Variants in KLHL18 observed in about 807,000 individuals in gnomAD.
KLHL18 encodes the protein kelch-like protein 18.
Under a neutral mutation model 58.5 loss-of-function variants are expected in KLHL18, and 38 were observed. The ratio of observed to expected loss-of-function variants is 0.65; its 90% CI spans 0.50 to 0.85. KLHL18 has a LOEUF of 0.85. Among genes scored for constraint, KLHL18 ranks in the 40% least tolerant of loss-of-function variants. The pLI, the probability that KLHL18 is intolerant of heterozygous loss-of-function variation, is 0.00. For synonymous variants in KLHL18, 303 were observed against 301.9 expected (o/e 1.00, Z -0.04); for missense variants, 624 against 778.4 (o/e 0.80, Z 2.36).
chr3:47,343,951 T>G lies in KLHL18; in HGVS notation c.*10T>G, dbSNP rs770681669. 4.7e-5 allele frequency: 75 copies of G among 1,610,982 alleles called. No individual in the cohort carries two copies. Among genetic ancestry groups the G allele is most frequent in the Non-Finnish European group, 6.1e-5 (72 of 1,179,756 alleles). ...TCTCCTCACCATCTAAGGCAGAGGA[T>G]GGGATGTGGTGGGGCAGGGATCTGG... On this transcript the variant is annotated 3_prime_UTR_variant, in exon 10 of 10. Transcript: ENST00000232766.
At chr3:47,309,139 G>T in intron 1 of KLHL18, among the ~76,000 whole-genome samples, 1 of 152,206 alleles carries the variant, frequency 6.6e-6, no homozygotes, top group East Asian at 1.9e-4. Context: ...TCTTAGTACA[G>T]AACAAAATGG....
intron 1 of KLHL18, among the ~76,000 whole-genome samples, chr3:47,309,262 C>T (rs1320589012): frequency 1.3e-5 from 2 of 152,266 alleles, no homozygotes; most frequent in Non-Finnish European, 2.9e-5. Context: ...TCATCATGGC[C>T]CGTTCTCAAT....
At chr3:47,331,338 G>C (rs746624132) in intron 4 of KLHL18, among the ~76,000 whole-genome samples, 49 of 150,952 alleles carry the variant, frequency 3.2e-4, no homozygotes, top group Non-Finnish European at 5.9e-5. Flanking sequence ...CGTTGGCCAG[G>C]CTGGTCTTGA....
At chr3:47,307,365 A>T (rs1576150882) in intron 1 of KLHL18, among the ~76,000 whole-genome samples, 1 of 152,074 alleles carries the variant, frequency 6.6e-6, no homozygotes, top group South Asian at 2.1e-4. Flanking sequence ...GAGCCACCAC[A>T]CCTGGCCTGG....
chr3:47,343,837 G>A lies in KLHL18; in HGVS notation c.1621G>A (p.Val541Met). 6.2e-7 allele frequency: 1 copy of A among 1,614,230 alleles called. No individual in the cohort carries two copies. The highest frequency in any genetic ancestry group is 8.5e-7 in the Non-Finnish European group (1 of 1,180,052). ...CGACGGACAGTCAAACCTAAGCTCA[G>A]TGGAGATGTATGACCCAGAGACAGA... ...GYDGQSNLSS[V>M]EMYDPETDCW... The change falls in exon 10 of 10, where the codon GTG becomes ATG. Residue 541 changes from valine to methionine, a missense_variant. Transcript: ENST00000232766.
chr3:47,295,596 G>A (rs1454254777), intron 1 of KLHL18, among the ~76,000 whole-genome samples: 2 of 151,090 alleles, frequency 1.3e-5, no homozygotes, highest in African/African-American at 4.9e-5. Flanking sequence ...TCTTTCTTCA[G>A]GGTCTTGCTC....
At chr3:47,295,559 CCTTTCT>C (rs1350074359) in intron 1 of KLHL18, among the ~76,000 whole-genome samples, 1 of 146,612 alleles carries the variant, frequency 6.8e-6, no homozygotes, top group South Asian at 2.1e-4. Flanking sequence ...TTTCCCTTTC[CCTTTCT>C]CTTTCTCCTC....
intron 1 of KLHL18, among the ~76,000 whole-genome samples, chr3:47,286,314 C>G (rs923183633): frequency 2.0e-5 from 3 of 152,174 alleles, no homozygotes; most frequent in African/African-American, 7.2e-5. Flanking sequence ...AAAGAGCATG[C>G]AAACCAGGCT....
Position 47,286,742 on chromosome 3 carries a change from G to A in KLHL18, c.129+3648G>A, listed in dbSNP as rs185632315. 1.4e-3 allele frequency among the ~76,000 whole-genome samples: 214 copies of A among 152,314 alleles called. 2 individuals are homozygous for A. The highest frequency in any genetic ancestry group is 4.9e-3 in the African/African-American group (203 of 41,566). ...TTTCTGTGGGATGTGTTCAAAGTCCGTAGATCTTCCTCCAGGCTTCTTCCT... is the reference window on the plus strand; with the variant it reads ...TTTCTGTGGGATGTGTTCAAAGTCCATAGATCTTCCTCCAGGCTTCTTCCT... On this transcript the variant is annotated intron_variant, in intron 1 of 9. Coordinates refer to ENST00000232766, the MANE Select transcript of KLHL18 (RefSeq NM_025010.5).
intron 3 of KLHL18, among the ~76,000 whole-genome samples, chr3:47,325,603 G>C (rs57799875): frequency 6.6e-6 from 1 of 152,302 alleles, no homozygotes; most frequent in Non-Finnish European, 1.5e-5. Flanking sequence ...AATGCCATCA[G>C]AGTTCTTAAA....
chr3:47,297,219 A>G (rs919107567), intron 1 of KLHL18, among the ~76,000 whole-genome samples: 8 of 152,166 alleles, frequency 5.3e-5, no homozygotes, highest in East Asian at 1.9e-4. Flanking sequence ...CTAAAATGCT[A>G]TCGAAAACTG....
chr3:47,291,397 CT>C (rs955943338), intron 1 of KLHL18, among the ~76,000 whole-genome samples: 4 of 152,236 alleles, frequency 2.6e-5, no homozygotes, highest in African/African-American at 9.6e-5. Flanking sequence ...TACATCACCA[CT>C]TTTTTCCAAT....
At chr3:47,314,013 T>C (rs1003691064) in intron 1 of KLHL18, among the ~76,000 whole-genome samples, 3 of 152,196 alleles carry the variant, frequency 2.0e-5, no homozygotes, top group Non-Finnish European at 2.9e-5. Context: ...TAAATGATCA[T>C]CTCTTTTTTT....
intron 7 of KLHL18, chr3:47,337,615 A>G (rs897746881): frequency 6.6e-6 from 1 of 152,258 alleles, no homozygotes; most frequent in Non-Finnish European, 1.5e-5. Flanking sequence ...CTTCCTTGAT[A>G]TATGCCTAAT....
intron 1 of KLHL18, among the ~76,000 whole-genome samples, chr3:47,312,905 ATTTTT>A (rs35710141): frequency 1.7e-5 from 2 of 117,870 alleles, no homozygotes; most frequent in Admixed American, 9.2e-5. Flanking sequence ...ATACCTTTTA[ATTTTT>A]TTTTTTTTTT....
intron 1 of KLHL18, among the ~76,000 whole-genome samples, chr3:47,303,075 C>T (rs1703061778): frequency 6.6e-6 from 1 of 152,234 alleles, no homozygotes; most frequent in Admixed American, 6.5e-5. Flanking sequence ...ATGATCTCTT[C>T]CATGACTGGC....
intron 1 of KLHL18, among the ~76,000 whole-genome samples, chr3:47,297,125 A>AC (rs1702913251): frequency 6.6e-6 from 1 of 151,884 alleles, no homozygotes; most frequent in Admixed American, 6.6e-5. Context: ...TTCCTTCCTC[A>AC]CCCCCTTCCT....
At chr3:47,308,015 T>A (rs1703189574) in intron 1 of KLHL18, among the ~76,000 whole-genome samples, 1 of 152,164 alleles carries the variant, frequency 6.6e-6, no homozygotes, top group African/African-American at 2.4e-5. Flanking sequence ...GATTAATTTA[T>A]CCCTACTGCT....
chr3:47,318,732 G>GT (rs1703513744), intron 1 of KLHL18, among the ~76,000 whole-genome samples: 1 of 152,196 alleles, frequency 6.6e-6, no homozygotes, highest in African/African-American at 2.4e-5. Context: ...GCTAGTTGTT[G>GT]TTTTTTCTTT....
Sources: allele counts gnomAD v4.1 joint callset (sites outside exome capture counted in the v4.1 genomes callset), GRCh38; gene constraint gnomAD v4.1.1; transcripts MANE v1.5; gene names NCBI Gene and HGNC (gene_info 2026-07-23, HGNC 2026-07-21).